Variants in SWAP70 observed in about 807,000 individuals in gnomAD.
SWAP70 encodes the protein switch-associated protein 70.
Under a neutral mutation model 80.2 loss-of-function variants are expected in SWAP70, and 34 were observed. The ratio of observed to expected loss-of-function variants is 0.42; its 90% confidence interval spans 0.32 to 0.56. The LOEUF (loss-of-function observed/expected upper bound fraction) is 0.56, where lower values mean the gene tolerates loss of function less well. Among genes scored for constraint, SWAP70 ranks in the 20% least tolerant of loss-of-function variants. The pLI, the probability that SWAP70 is intolerant of heterozygous loss-of-function variation, is 0.09. For missense variants in SWAP70, 578 were observed against 690.7 expected (o/e 0.84, Z 1.83); for synonymous variants, 239 against 238.5 (o/e 1.00, Z -0.02).
chr11:9,740,549 CCT>C, intron 9 of SWAP70: 1 of 605,926 alleles, frequency 1.7e-6, no homozygotes. Context: ...GCTGGGAAAC[CCT>C]TGCTTCTGGG....
chr11:9,670,160 A>G (rs1026166292), intron 1 of SWAP70, among the ~76,000 whole-genome samples: 3 of 152,088 alleles, frequency 2.0e-5, no homozygotes, highest in Non-Finnish European at 4.4e-5. Context: ...AACCATTGCA[A>G]TAGCCCCGAT....
intron 11 of SWAP70, 64 bp downstream of exon 11, chr11:9,749,247 A>T (rs1231429380): frequency 4.3e-6 from 4 of 928,472 alleles, no homozygotes; most frequent in East Asian, 4.9e-5. Context: ...TTATTTAATT[A>T]ATTTATTTAT....
intron 3 of SWAP70, among the ~76,000 whole-genome samples, chr11:9,719,187 T>C (rs1165909503): frequency 6.6e-6 from 1 of 151,324 alleles, no homozygotes; most frequent in Non-Finnish European, 1.5e-5. Context: ...GGCTGATCAC[T>C]TGAGCTCAGG....
chr11:9,715,097 A>G (rs1375122272), intron 3 of SWAP70, among the ~76,000 whole-genome samples: 7 of 149,560 alleles, frequency 4.7e-5, no homozygotes, highest in African/African-American at 4.9e-5. Flanking sequence ...GTCTCAGCCT[A>G]CTGAGTAGCT....
intron 1 of SWAP70, among the ~76,000 whole-genome samples, chr11:9,673,682 C>T (rs1850448873): frequency 6.6e-6 from 1 of 152,048 alleles, no homozygotes; most frequent in South Asian, 2.1e-4. Context: ...GGGGAGGACC[C>T]CTTCTGAAAT....
intron 4 of SWAP70, chr11:9,726,756 A>G (rs536814633): frequency 5.1e-6 from 2 of 392,262 alleles, no homozygotes; most frequent in East Asian, 7.2e-5. Flanking sequence ...GCTTTGGCCT[A>G]TAATAATGTA....
intron 1 of SWAP70, among the ~76,000 whole-genome samples, chr11:9,668,485 A>G (rs2134412603): frequency 6.6e-6 from 1 of 152,214 alleles, no homozygotes; most frequent in South Asian, 2.1e-4. Context: ...ATATTTAAAC[A>G]TTTTTATTTA....
chr11:9,695,251 G>A (rs1487302254), intron 2 of SWAP70, among the ~76,000 whole-genome samples: 2 of 151,504 alleles, frequency 1.3e-5, no homozygotes, highest in South Asian at 2.1e-4. Flanking sequence ...TCGAGATCAC[G>A]CCATTGCATT....
intron 5 of SWAP70, 149 bp downstream of exon 5, chr11:9,728,348 G>T: frequency 1.1e-6 from 1 of 944,350 alleles, no homozygotes; most frequent in Non-Finnish European, 1.4e-6. Flanking sequence ...CAGTTGCCAT[G>T]GTTTCTGAAC....
At position 9,738,069 on chromosome 11, in the gene SWAP70, G is replaced by A. The variant is rs569303918; in HGVS notation, c.1081-144G>A. On this transcript the variant is annotated intron_variant, in intron 7 of 11. Coordinates refer to ENST00000318950, the MANE Select transcript of SWAP70 (RefSeq NM_015055.4). ...AGATCGTTAGACTGGAATTCTAATGGAGCTAAAAGTTTTTATTCTATTATC... is the reference window on the plus strand; with the variant it reads ...AGATCGTTAGACTGGAATTCTAATGAAGCTAAAAGTTTTTATTCTATTATC... 380 of 471,298 alleles carry A rather than the reference G, an allele frequency of 8.1e-4. 4 individuals are homozygous for A. The highest frequency in any genetic ancestry group is 5.6e-3 in the Middle Eastern group (17 of 3,026). The allele number at this position is 471,298 out of a possible 1,614,324, so 29.2% of individuals were successfully genotyped here. A position where few individuals can be genotyped will look rare whatever the true frequency, so the allele number is the denominator to read the frequency against.
At chr11:9,725,569 A>ATATTTTTT (rs1554892086) in intron 4 of SWAP70, among the ~76,000 whole-genome samples, 1 of 26,616 alleles carries the variant, frequency 3.8e-5, no homozygotes, top group African/African-American at 1.6e-4. Context: ...ATATATATAT[A>ATATTTTTT]TTTTTTTTTT....
chr11:9,676,708 G>GCA (rs1248958119), intron 1 of SWAP70, among the ~76,000 whole-genome samples: 1 of 148,440 alleles, frequency 6.7e-6, no homozygotes, highest in African/African-American at 2.5e-5. Flanking sequence ...GGAGTGCAGT[G>GCA]GCGCAATCTC....
chr11:9,671,502 A>AAAG (rs1491583167), intron 1 of SWAP70, among the ~76,000 whole-genome samples: 1 of 89,704 alleles, frequency 1.1e-5, no homozygotes, highest in Non-Finnish European at 2.0e-5. Flanking sequence ...ATATATATAA[A>AAAG]TATATATAAA....
At chr11:9,707,541 ATTTTCTTTTTC>A (rs1376391850) in intron 2 of SWAP70, among the ~76,000 whole-genome samples, 14 of 138,170 alleles carry the variant, frequency 1.0e-4, no homozygotes, top group African/African-American at 3.6e-4. Context: ...TATATAACAC[ATTTTCTTTTTC>A]TTTTCTTTTT....
At chr11:9,698,142 C>G (rs1304606815) in intron 2 of SWAP70, among the ~76,000 whole-genome samples, 1 of 148,060 alleles carries the variant, frequency 6.8e-6, no homozygotes, top group African/African-American at 2.5e-5. Context: ...GCTCTGTCAC[C>G]CAGGCTGGAG....
intron 3 of SWAP70, chr11:9,720,401 C>T (rs1851119438): frequency 1.0e-6 from 1 of 985,234 alleles, no homozygotes; most frequent in Non-Finnish European, 1.2e-6. Flanking sequence ...CTAATAGGCG[C>T]TTTCTGAGTT....
At chr11:9,747,537 C>T (rs974086009) in intron 9 of SWAP70, among the ~76,000 whole-genome samples, 2 of 152,218 alleles carry the variant, frequency 1.3e-5, no homozygotes, top group Non-Finnish European at 2.9e-5. Flanking sequence ...ATATGAGTAG[C>T]AGCACCTAAA....
At chr11:9,698,066 G>A (rs945136255) in intron 2 of SWAP70, among the ~76,000 whole-genome samples, 29 of 146,858 alleles carry the variant, frequency 2.0e-4, no homozygotes, top group Admixed American at 6.9e-4. Flanking sequence ...GATTACAGAT[G>A]TGAGCCACCA....
chr11:9,704,293 T>C (rs1440948689), intron 2 of SWAP70, among the ~76,000 whole-genome samples: 1 of 152,082 alleles, frequency 6.6e-6, no homozygotes, highest in Non-Finnish European at 1.5e-5. Context: ...TTGGAGTTGC[T>C]ACCTGCTTTA....
Sources: allele counts gnomAD v4.1 joint callset (sites outside exome capture counted in the v4.1 genomes callset), GRCh38; gene constraint gnomAD v4.1.1; transcripts MANE v1.5; gene names NCBI Gene and HGNC (gene_info 2026-07-23, HGNC 2026-07-21).